The following BANK1 variants were observed in gnomAD, a reference collection of about 807,000 sequenced individuals.
The protein encoded by BANK1 is B cell scaffold protein with ankyrin repeats 1.
In BANK1, 95 loss-of-function variants were observed where a neutral mutation model predicts 94.5. The ratio of observed to expected loss-of-function variants is 1.00; its 90% CI spans 0.85 to 1.19. The LOEUF is 1.19. BANK1 is among the 50% of genes most tolerant of loss of function. BANK1 has a pLI of 0.00. For missense variants in BANK1, 987 were observed against 932.2 expected (o/e 1.06, Z -0.77); for synonymous variants, 334 against 308.4 (o/e 1.08, Z -0.87).
intron 7 of BANK1, among the ~76,000 whole-genome samples, chr4:102,015,993 C>T (rs925992826): frequency 1.3e-5 from 2 of 152,082 alleles, no homozygotes; most frequent in Non-Finnish European, 2.9e-5. Flanking sequence ...TCAAATATAT[C>T]CTTCCATGCA....
intron 1 of BANK1, chr4:101,814,061 T>C (rs1460043687): frequency 4.0e-6 from 1 of 251,562 alleles, no homozygotes; most frequent in Non-Finnish European, 6.3e-6. Flanking sequence ...TAATCAGTTA[T>C]GTTTCCAAAG....
At chr4:102,067,173 A>G (rs1265345147) in intron 13 of BANK1, among the ~76,000 whole-genome samples, 1 of 152,118 alleles carries the variant, frequency 6.6e-6, no homozygotes, top group Non-Finnish European at 1.5e-5. Flanking sequence ...GGAAACCTAT[A>G]GAGGAAATAA....
chr4:101,886,624 T>C (rs954716812), intron 5 of BANK1, among the ~76,000 whole-genome samples: 1 of 152,208 alleles, frequency 6.6e-6, no homozygotes, highest in Non-Finnish European at 1.5e-5. Context: ...TTTTGATTTC[T>C]TTAATGCCTA....
At chr4:102,044,956 C>G (rs1210206354) in intron 11 of BANK1, among the ~76,000 whole-genome samples, 1 of 142,466 alleles carries the variant, frequency 7.0e-6, no homozygotes, top group Admixed American at 7.1e-5. Flanking sequence ...GAGTAGGTTG[C>G]GAAAATTTTC....
intron 7 of BANK1, among the ~76,000 whole-genome samples, chr4:102,006,344 TGGGTCC>T (rs1726261146): frequency 6.6e-6 from 1 of 152,032 alleles, no homozygotes; most frequent in African/African-American, 2.4e-5. Flanking sequence ...TGCCAGTGAC[TGGGTCC>T]CACTTCTAGA....
intron 3 of BANK1, among the ~76,000 whole-genome samples, chr4:101,860,726 C>T (rs1234351914): frequency 5.3e-5 from 8 of 152,136 alleles, no homozygotes; most frequent in African/African-American, 7.2e-5. Context: ...CCACCGCACC[C>T]GGCCCTGAGT....
chr4:101,900,520 G>A (rs1722242327), intron 6 of BANK1, among the ~76,000 whole-genome samples: 1 of 152,166 alleles, frequency 6.6e-6, no homozygotes, highest in African/African-American at 2.4e-5. Flanking sequence ...GCTTGAAGGT[G>A]GCTGTCACCT....
chr4:101,918,834 A>T (rs1722913250), intron 7 of BANK1, among the ~76,000 whole-genome samples: 1 of 151,946 alleles, frequency 6.6e-6, no homozygotes, highest in South Asian at 2.1e-4. Flanking sequence ...ATTTATTCTG[A>T]TTGTCAGATT....
intron 3 of BANK1, 22 bp downstream of exon 3, chr4:101,855,211 T>C: frequency 6.2e-7 from 1 of 1,603,304 alleles, no homozygotes; most frequent in African/African-American, 1.3e-5. Flanking sequence ...TACCTTGTTA[T>C]TTAAGTGACC....
rs1374325977 is a variant in BANK1 at position 101,792,209 on chromosome 4, ATATT to A, written c.70+1263_70+1266del. Among the ~76,000 whole-genome samples, 5 of 151,996 alleles carry A rather than the reference ATATT, an allele frequency of 3.3e-5. No individual in the cohort carries two copies. The East Asian group carries it at 7.7e-4, about 23-fold the overall frequency. ...AATAATGCAAGAGTAATGTGAATCA[ATATT>A]TATAGCATTCCAATTATTCTTGTTC... On this transcript the variant is annotated intron_variant, in intron 1 of 16. Transcript: ENST00000322953.
chr4:101,873,996 G>A (rs151291542), intron 5 of BANK1, among the ~76,000 whole-genome samples: 1 of 152,278 alleles, frequency 6.6e-6, no homozygotes, highest in East Asian at 1.9e-4. Flanking sequence ...ATTAATTTAA[G>A]TAGTAGGATC....
intron 3 of BANK1, among the ~76,000 whole-genome samples, chr4:101,856,723 G>A (rs1290049263): frequency 6.6e-6 from 1 of 152,152 alleles, no homozygotes; most frequent in African/African-American, 2.4e-5. Flanking sequence ...TTAGATAAGG[G>A]TTTTTTCAAT....
intron 1 of BANK1, among the ~76,000 whole-genome samples, chr4:101,815,465 A>G (rs1725879861): frequency 6.6e-6 from 1 of 152,140 alleles, no homozygotes; most frequent in South Asian, 2.1e-4. Flanking sequence ...ACTATAATCT[A>G]CATTTATTAT....
intron 13 of BANK1, among the ~76,000 whole-genome samples, chr4:102,064,804 G>C (rs774192058): frequency 1.3e-5 from 2 of 152,148 alleles, no homozygotes; most frequent in South Asian, 4.2e-4. Context: ...TTATGGCCCT[G>C]GTCTCTGCCA....
intron 11 of BANK1, among the ~76,000 whole-genome samples, chr4:102,046,420 A>G (rs1013822082): frequency 2.6e-5 from 4 of 152,144 alleles, no homozygotes; most frequent in Non-Finnish European, 4.4e-5. Flanking sequence ...AATGTTTGTG[A>G]TAGTGTTGTC....
At chr4:101,796,170 T>C (rs1725149155) in intron 1 of BANK1, among the ~76,000 whole-genome samples, 1 of 152,180 alleles carries the variant, frequency 6.6e-6, no homozygotes, top group Non-Finnish European at 1.5e-5. Context: ...ATGAAAAAAC[T>C]GAGGAGACCG....
chr4:102,023,786 A>G (rs1359369770), intron 8 of BANK1, among the ~76,000 whole-genome samples: 3 of 152,218 alleles, frequency 2.0e-5, no homozygotes, highest in Non-Finnish European at 2.9e-5. Flanking sequence ...ATAATTTCCT[A>G]TAGCGTGAAT....
intron 5 of BANK1, among the ~76,000 whole-genome samples, chr4:101,889,740 T>C (rs1356855120): frequency 6.6e-6 from 1 of 152,140 alleles, no homozygotes; most frequent in African/African-American, 2.4e-5. Context: ...GTTATGTTCT[T>C]TTTCTGAATT....
chr4:101,889,629 G>A (rs1471112924), intron 5 of BANK1, among the ~76,000 whole-genome samples: 81 of 100,542 alleles, frequency 8.1e-4, no homozygotes, highest in African/African-American at 2.0e-3. Flanking sequence ...AAAAAAAAAA[G>A]AATCACTTGT....
Sources: allele counts gnomAD v4.1 joint callset (sites outside exome capture counted in the v4.1 genomes callset), GRCh38; gene constraint gnomAD v4.1.1; transcripts MANE v1.5; gene names NCBI Gene and HGNC (gene_info 2026-07-23, HGNC 2026-07-21).